Variants in HIPK3 observed in about 807,000 individuals in gnomAD.
The protein encoded by HIPK3 is homeodomain interacting protein kinase 3.
In HIPK3, 47 loss-of-function variants were observed where a neutral mutation model predicts 124.2. That is an observed-to-expected ratio of 0.38 (90% CI 0.30 to 0.48). The LOEUF (loss-of-function observed/expected upper bound fraction) is 0.48. Among genes scored for constraint, HIPK3 ranks in the 20% least tolerant of loss-of-function variants. The pLI, the probability that HIPK3 is intolerant of heterozygous loss-of-function variation, is 0.98. For missense variants in HIPK3, 1,286 were observed against 1,454.3 expected (o/e 0.88, Z 1.88); for synonymous variants, 482 against 515.2 (o/e 0.94, Z 0.87).
At chr11:33,352,022 T>A in intron 15 of HIPK3, 116 bp from the exon 16 acceptor site, 1 of 1,143,370 alleles carries the variant, frequency 8.7e-7, no homozygotes, top group South Asian at 1.5e-5. Flanking sequence ...TCTCCTTTGA[T>A]TTTATTTAAT....
chr11:33,348,259 A>C, intron 12 of HIPK3, 31 bp downstream of exon 12: 1 of 1,579,868 alleles, frequency 6.3e-7, no homozygotes, highest in Non-Finnish European at 8.7e-7. Flanking sequence ...CTTTTGATTT[A>C]TTATCTACCT....
rs370784012 is a variant in HIPK3 at position 33,282,397 on chromosome 11, T to C, written c.-2-4016T>C. Among the ~76,000 whole-genome samples the C allele has an allele frequency of 7.0e-4, 104 of 147,900 alleles. 2 individuals are homozygous for C. In the South Asian group the frequency reaches 0.021, roughly 30 times the overall value. ...CTGTCTCAAAAAAAAAGAAAAAAAA[T>C]TGGGCCGGGTGCCATGGCTCATGCC... On this transcript the variant is annotated intron_variant, in intron 1 of 16. Coordinates refer to ENST00000303296, the MANE Select transcript of HIPK3 (RefSeq NM_005734.5).
chr11:33,325,299 T>C (rs976607143), intron 2 of HIPK3, among the ~76,000 whole-genome samples: 9 of 152,220 alleles, frequency 5.9e-5, no homozygotes, highest in Non-Finnish European at 4.4e-5. Context: ...TACTTTCCTT[T>C]ATTGCCAAAT....
At chr11:33,296,886 T>A (rs1851856168) in intron 2 of HIPK3, among the ~76,000 whole-genome samples, 1 of 152,290 alleles carries the variant, frequency 6.6e-6, no homozygotes, top group South Asian at 2.1e-4. Context: ...ATCTCATGTC[T>A]CTTGCTTTAA....
Position 33,354,836 on chromosome 11 carries a change from C to A in HIPK3, c.*1268C>A, listed in dbSNP as rs573789430. ...TTCTAGGAAGTGTGTTGAGTTCCCC[C>A]CTTCCCCGACATTTTTTTCTTTTTT... is the stretch of plus-strand genomic sequence containing the variant. On this transcript the variant is annotated 3_prime_UTR_variant, in exon 17 of 17. Transcript: ENST00000303296. The A allele has an allele frequency of 6.6e-6, 1 of 151,890 alleles. No homozygotes were observed. Among genetic ancestry groups the A allele is most frequent in the African/African-American group, 2.4e-5 (1 of 41,466 alleles). 9.4% of individuals were successfully genotyped at this position (151,890 alleles called of 1,614,324 possible).
At chr11:33,301,821 G>GACACACACACACACACACAC (rs143389257) in intron 2 of HIPK3, among the ~76,000 whole-genome samples, 10,127 of 127,244 alleles carry the variant, frequency 0.08, 682 homozygotes, top group South Asian at 0.098. Flanking sequence ...AACCCTGTCT[G>GACACACACACACACACACAC]ACACACACAC....
At chr11:33,350,115 C>T (rs1206590653) in intron 14 of HIPK3, among the ~76,000 whole-genome samples, 1 of 152,096 alleles carries the variant, frequency 6.6e-6, no homozygotes, top group East Asian at 1.9e-4. Context: ...AATTTCAGCC[C>T]CACAGACTAC....
At chr11:33,285,574 AAAAAAT>A (rs200530410) in intron 1 of HIPK3, among the ~76,000 whole-genome samples, 24 of 116,780 alleles carry the variant, frequency 2.1e-4, no homozygotes, top group South Asian at 2.4e-4. Context: ...TCTCAAAAAA[AAAAAAT>A]ATATATATAT....
chr11:33,304,026 C>T (rs912577275), intron 2 of HIPK3, among the ~76,000 whole-genome samples: 1 of 152,056 alleles, frequency 6.6e-6, no homozygotes, highest in Non-Finnish European at 1.5e-5. Context: ...CTGCAATCTC[C>T]GCCTCCCAGG....
At chr11:33,258,594 C>A (rs947409741) in intron 1 of HIPK3, 6 of 985,302 alleles carry the variant, frequency 6.1e-6, no homozygotes, top group Non-Finnish European at 7.2e-6. Context: ...CGGTGGCTGC[C>A]GCCCGCTTCC....
chr11:33,315,657 C>T (rs546299156), intron 2 of HIPK3, among the ~76,000 whole-genome samples: 1 of 152,332 alleles, frequency 6.6e-6, no homozygotes, highest in Non-Finnish European at 1.5e-5. Context: ...GCCACTGTGC[C>T]TGGCCCTGAC....
intron 2 of HIPK3, among the ~76,000 whole-genome samples, chr11:33,307,358 C>T (rs1056852207): frequency 1.3e-5 from 2 of 151,608 alleles, no homozygotes; most frequent in Admixed American, 1.3e-4. Context: ...ATAACCACTA[C>T]CCAAGTCAAG....
At chr11:33,265,877 AG>A (rs1850945229) in intron 1 of HIPK3, among the ~76,000 whole-genome samples, 1 of 150,466 alleles carries the variant, frequency 6.6e-6, no homozygotes, top group Non-Finnish European at 1.5e-5. Flanking sequence ...TGAGGTCAGG[AG>A]GTCGAGACCA....
At position 33,286,640 on chromosome 11, in the gene HIPK3, T is replaced by C. The variant is rs781681280; in HGVS notation, c.226T>C (p.Phe76Leu). The C allele has an allele frequency of 6.2e-7, 1 of 1,614,164 alleles. No individual in the cohort carries two copies. Among genetic ancestry groups the C allele is most frequent in the Non-Finnish European group, 8.5e-7 (1 of 1,180,040 alleles). ...IPFNRPRGHN[F>L]SLQTSAVVLK... ...ATTTAATAGACCTCGAGGACACAAC[T>C]TTTCATTGCAGACAAGTGCTGTTGT... Residue 76 changes from phenylalanine to leucine, a missense_variant, in exon 2 of 17, where the codon TTT becomes CTT. Physicochemically the swap from Phe to Leu is conservative, Grantham distance 22. Coordinates refer to ENST00000303296, the MANE Select transcript of HIPK3 (RefSeq NM_005734.5).
At chr11:33,302,713 T>A (rs1203469283) in intron 2 of HIPK3, among the ~76,000 whole-genome samples, 1 of 152,176 alleles carries the variant, frequency 6.6e-6, no homozygotes, top group Non-Finnish European at 1.5e-5. Context: ...AAGATAAGAA[T>A]AATAATATAA....
chr11:33,310,672 C>G (rs1852309328), intron 2 of HIPK3, among the ~76,000 whole-genome samples: 1 of 152,134 alleles, frequency 6.6e-6, no homozygotes, highest in African/African-American at 2.4e-5. Flanking sequence ...GTTACATTAG[C>G]CACATCTCAG....
chr11:33,260,239 C>T (rs1393549664), intron 1 of HIPK3, among the ~76,000 whole-genome samples: 3 of 152,018 alleles, frequency 2.0e-5, no homozygotes, highest in Admixed American at 1.3e-4. Flanking sequence ...GCAAGTATGG[C>T]GTGGGCACAT....
intron 2 of HIPK3, among the ~76,000 whole-genome samples, chr11:33,314,919 C>T (rs1193360551): frequency 6.6e-6 from 1 of 152,132 alleles, no homozygotes; most frequent in African/African-American, 2.4e-5. Context: ...ATACTCACCT[C>T]CTAATCACCT....
At chr11:33,257,283 C>T (rs899143031), upstream of HIPK3, 32 of 983,400 alleles carry the variant, frequency 3.3e-5, no homozygotes, top group Non-Finnish European at 3.7e-5. Flanking sequence ...CGGAGCCGCC[C>T]GGGCTGGGCG....
Sources: gnomAD v4.1 joint callset for allele counts (sites outside exome capture counted in the v4.1 genomes callset) on GRCh38, gnomAD v4.1.1 for gene constraint, MANE v1.5 for transcripts, NCBI Gene and HGNC (gene_info 2026-07-23, HGNC 2026-07-21) for gene names.